The following EIF5A2 variants were observed in gnomAD, a reference collection of about 807,000 sequenced individuals.
The protein encoded by EIF5A2 is eukaryotic translation initiation factor 5A2.
EIF5A2 carries 15 observed loss-of-function variants against 16.4 expected under a neutral mutation model. That is an observed-to-expected ratio of 0.92 (90% confidence interval 0.61 to 1.41). The LOEUF (loss-of-function observed/expected upper bound fraction) is 1.41. Among genes scored for constraint, EIF5A2 ranks in the 40% most tolerant of loss-of-function variants. The probability of loss-of-function intolerance (pLI) is 0.00; values close to 1 mark genes in which losing one functional copy is unlikely to be tolerated. For synonymous variants in EIF5A2, 48 were observed against 61.1 expected (o/e 0.79, Z 1.00); for missense variants, 144 against 189.5 (o/e 0.76, Z 1.41).
At chr3:170,898,568 G>A (rs1041013959) in intron 3 of EIF5A2, among the ~76,000 whole-genome samples, 3 of 152,100 alleles carry the variant, frequency 2.0e-5, no homozygotes, top group African/African-American at 7.2e-5. Flanking sequence ...CTTCCTCCAT[G>A]ATTGTAAGTT....
intron 3 of EIF5A2, among the ~76,000 whole-genome samples, chr3:170,900,330 G>A (rs1477294319): frequency 1.4e-5 from 2 of 139,670 alleles, no homozygotes; most frequent in South Asian, 2.2e-4. Context: ...TCACGCCGCT[G>A]CACTCCAGCC....
chr3:170,890,320 A>G lies in EIF5A2; in HGVS notation c.*3040T>C, dbSNP rs1174833031. On this transcript the variant is annotated 3_prime_UTR_variant, in exon 5 of 5. Coordinates refer to ENST00000295822, the MANE Select transcript of EIF5A2 (RefSeq NM_020390.6). ...ATTGTAATGAAAAATTGTGTCTCCA[A>G]ATTTTACAGCCTAATCATTTTATTG... The G allele has an allele frequency of 2.6e-5, 4 of 152,150 alleles. No individual in the cohort carries two copies. Among genetic ancestry groups the G allele is most frequent in the African/African-American group, 9.7e-5 (4 of 41,444 alleles). The allele number at this position is 152,150 out of a possible 1,614,324, so 9.4% of individuals were successfully genotyped here.
rs1488775113 is a variant in EIF5A2, at chr3:170,892,991, A to C, written c.*369T>G. ...CAGAGCAGTTCAACTTAAATATGGT[A>C]CTTCAATACCACTTTATGCTACATT... On this transcript the variant is annotated 3_prime_UTR_variant, in exon 5 of 5. Transcript: ENST00000295822. 2.5e-6 allele frequency: 1 copy of C among 404,694 alleles called. No individual in the cohort carries two copies. 25.1% of individuals were successfully genotyped at this position (404,694 alleles called of 1,614,324 possible).
chr3:170,905,014 C>T (rs887307825), intron 3 of EIF5A2, among the ~76,000 whole-genome samples: 6 of 152,090 alleles, frequency 3.9e-5, no homozygotes, highest in Non-Finnish European at 8.8e-5. Flanking sequence ...CTTTGCAGTG[C>T]GGAGTACATA....
chr3:170,893,169 A>AAAAAATTATACATATTGATAATTTTTT lies in EIF5A2; in HGVS notation c.*164_*190dup, dbSNP rs1360922893. ...TAGGAAACATATCTACAAAATTCAA[A>AAAAAATTATACATATTGATAATTTTTT]AAAAATTATACATATTGATAATTTT... On this transcript the variant is annotated 3_prime_UTR_variant, in exon 5 of 5. Transcript: ENST00000295822. The AAAAAATTATACATATTGATAATTTTTT allele has an allele frequency of 9.1e-5, 43 of 472,538 alleles. 1 individual carries two copies. In the Admixed American group the frequency reaches 1.3e-3, roughly 14 times the overall value. The allele number at this position is 472,538 out of a possible 1,614,324, so 29.3% of individuals were successfully genotyped here.
chr3:170,889,173 A>G lies in EIF5A2; in HGVS notation c.*4187T>C, dbSNP rs1464182664. 3 of 146,584 alleles carry G rather than the reference A, an allele frequency of 2.0e-5. No individual in the cohort carries two copies. The highest frequency in any genetic ancestry group is 4.5e-5 in the Non-Finnish European group (3 of 67,306). The allele number at this position is 146,584 out of a possible 1,614,324, so 9.1% of individuals were successfully genotyped here. ...AGGTGAAAGCCTGGTATGCATTGCCATAAAGTGCATCTTTTACATAAGGAA... is the reference window on the plus strand; with the variant it reads ...AGGTGAAAGCCTGGTATGCATTGCCGTAAAGTGCATCTTTTACATAAGGAA... On this transcript the variant is annotated 3_prime_UTR_variant, in exon 5 of 5. Coordinates refer to ENST00000295822, the MANE Select transcript of EIF5A2 (RefSeq NM_020390.6).
At chr3:170,896,342 A>G (rs1409006390) in intron 3 of EIF5A2, among the ~76,000 whole-genome samples, 1 of 152,230 alleles carries the variant, frequency 6.6e-6, no homozygotes, top group African/African-American at 2.4e-5. Context: ...TACGAAAAAC[A>G]AAAATAATGA....
chr3:170,891,403 G>A lies in EIF5A2; in HGVS notation c.*1957C>T, dbSNP rs960220122. 6.6e-6 allele frequency: 1 copy of A among 152,538 alleles called. No homozygotes were observed. The highest frequency in any genetic ancestry group is 1.5e-5 in the Non-Finnish European group (1 of 67,988). 9.4% of individuals were successfully genotyped at this position (152,538 alleles called of 1,614,324 possible). On this transcript the variant is annotated 3_prime_UTR_variant, in exon 5 of 5. Transcript: ENST00000295822. ...AAAGCTAAAATGTTGTAGGAAAGAC[G>A]ACTAACTACTACCTCACTATTTCTT...
chr3:170,901,409 G>A (rs1351103779), intron 3 of EIF5A2, among the ~76,000 whole-genome samples: 2 of 152,188 alleles, frequency 1.3e-5, no homozygotes, highest in Non-Finnish European at 2.9e-5. Context: ...GGAGTGTGGG[G>A]AGAGTTAATG....
At chr3:170,894,885 G>T (rs778091786) in intron 3 of EIF5A2, among the ~76,000 whole-genome samples, 86 of 151,674 alleles carry the variant, frequency 5.7e-4, no homozygotes, top group Non-Finnish European at 5.7e-4. Context: ...AATTAGCCAG[G>T]TGTGGTGGCA....
At chr3:170,898,073 C>A (rs1381161548) in intron 3 of EIF5A2, among the ~76,000 whole-genome samples, 2 of 152,218 alleles carry the variant, frequency 1.3e-5, no homozygotes, top group Non-Finnish European at 2.9e-5. Context: ...TTTGTTTTGG[C>A]CAATTTCTCC....
Position 170,901,371 on chromosome 3 carries a change from G to A in EIF5A2, c.270+5618C>T, listed in dbSNP as rs1007353249. The stretch of plus-strand genomic sequence containing the variant: ...CACTAAGTGCTGGGAGGCACAGTAA[G>A]CTAAGGAAGCAAAACATGATCTAAA... On this transcript the variant is annotated intron_variant, in intron 3 of 4. Coordinates refer to ENST00000295822, the MANE Select transcript of EIF5A2 (RefSeq NM_020390.6). Among the ~76,000 whole-genome samples, 6 of 152,172 alleles carry A rather than the reference G, an allele frequency of 3.9e-5. No individual in the cohort carries two copies. In the East Asian group the frequency reaches 7.7e-4, roughly 20 times the overall value.
At chr3:170,902,081 G>A (rs1712830934) in intron 3 of EIF5A2, among the ~76,000 whole-genome samples, 1 of 152,204 alleles carries the variant, frequency 6.6e-6, no homozygotes, top group African/African-American at 2.4e-5. Context: ...TATGAGATCA[G>A]CTTGAGAAGG....
At chr3:170,901,423 G>A (rs1464883616) in intron 3 of EIF5A2, among the ~76,000 whole-genome samples, 1 of 152,202 alleles carries the variant, frequency 6.6e-6, no homozygotes, top group Non-Finnish European at 1.5e-5. Flanking sequence ...GTTAATGACT[G>A]CAGATTCTGT....
Position 170,906,996 on chromosome 3 carries a change from T to C in EIF5A2, c.263A>G (p.Asp88Gly). The change falls in exon 3 of 5, where the codon GAT becomes GGT. Residue 88 changes from aspartate to glycine, a missense_variant. Asp to Gly is a moderately conservative substitution (Grantham distance 94). Coordinates refer to ENST00000295822, the MANE Select transcript of EIF5A2 (RefSeq NM_020390.6). ...AAGAAAATCAGTGCTTACTTGATAA[T>C]CATTTCTCTTAATATTTGGAACATC... ...NMDVPNIKRN[D>G]YQLICIQDGY... The C allele has an allele frequency of 6.3e-7, 1 of 1,595,376 alleles. No individual in the cohort carries two copies. Among genetic ancestry groups the C allele is most frequent in the Non-Finnish European group, 8.6e-7 (1 of 1,166,292 alleles).
chr3:170,905,094 A>C lies in EIF5A2; in HGVS notation c.270+1895T>G, dbSNP rs1449049872. 2.0e-5 allele frequency among the ~76,000 whole-genome samples: 3 copies of C among 152,232 alleles called. No homozygotes were observed. In the South Asian group the frequency reaches 6.2e-4, roughly 31 times the overall value. The stretch of plus-strand genomic sequence containing the variant: ...CAAAATTAAAGAAGGCACCAAAAAA[A>C]CCTCAGTGATCAGATAGGCATTTTA... On this transcript the variant is annotated intron_variant, in intron 3 of 4. Transcript: ENST00000295822.
chr3:170,905,752 A>T (rs923300025), intron 3 of EIF5A2, among the ~76,000 whole-genome samples: 4 of 152,218 alleles, frequency 2.6e-5, no homozygotes, highest in Non-Finnish European at 5.9e-5. Context: ...GGAGTTCTTA[A>T]TGGGGTACAT....
At chr3:170,904,591 C>G (rs1329825075) in intron 3 of EIF5A2, among the ~76,000 whole-genome samples, 1 of 152,130 alleles carries the variant, frequency 6.6e-6, no homozygotes, top group East Asian at 1.9e-4. Flanking sequence ...CCTCCCAAGG[C>G]TCAAGTGATC....
chr3:170,903,481 T>C (rs1017507767), intron 3 of EIF5A2, among the ~76,000 whole-genome samples: 8 of 152,184 alleles, frequency 5.3e-5, no homozygotes, highest in Admixed American at 2.0e-4. Context: ...ATTTTTCCTA[T>C]AGGTAGAATA....
Sources: gnomAD v4.1 joint callset for allele counts (sites outside exome capture counted in the v4.1 genomes callset) on GRCh38, gnomAD v4.1.1 for gene constraint, MANE v1.5 for transcripts, NCBI Gene and HGNC (gene_info 2026-07-23, HGNC 2026-07-21) for gene names.